ARID5B: variants seen among roughly 807,000 people sequenced by gnomAD.
ARID5B encodes AT-rich interactive domain-containing protein 5B.
A neutral mutation model predicts 97.2 loss-of-function variants in ARID5B; 13 were observed. The ratio of observed to expected loss-of-function variants is 0.13; its 90% CI spans 0.09 to 0.21. The LOEUF is 0.21. Among genes scored for constraint, ARID5B ranks in the 10% least tolerant of loss-of-function variants. The pLI, the probability that ARID5B is intolerant of heterozygous loss-of-function variation, is 1.00. For missense variants in ARID5B, 1,210 were observed against 1,465.3 expected (o/e 0.83, Z 2.84); for synonymous variants, 556 against 570.3 (o/e 0.97, Z 0.36).
chr10:62,086,169 T>A (rs772966880), intron 9 of ARID5B, among the ~76,000 whole-genome samples: 2 of 152,164 alleles, frequency 1.3e-5, no homozygotes, highest in Non-Finnish European at 2.9e-5. Flanking sequence ...AGAAAACTGA[T>A]AGCAAATGCT....
intron 8 of ARID5B, among the ~76,000 whole-genome samples, chr10:62,082,524 T>C (rs1840226622): frequency 6.6e-6 from 1 of 152,234 alleles, no homozygotes; most frequent in Non-Finnish European, 1.5e-5. Context: ...GTTTAGAAAC[T>C]GATAAAATCT....
At chr10:61,908,820 A>AAAAAAAAAAAG (rs1251041161) in intron 2 of ARID5B, among the ~76,000 whole-genome samples, 1 of 146,168 alleles carries the variant, frequency 6.8e-6, no homozygotes, top group African/African-American at 2.7e-5. Context: ...AAAAAAAAAA[A>AAAAAAAAAAAG]AAGAAGAAGA....
intron 2 of ARID5B, among the ~76,000 whole-genome samples, chr10:61,910,693 A>G (rs1843787258): frequency 1.3e-5 from 2 of 152,244 alleles, no homozygotes; most frequent in African/African-American, 4.8e-5. Context: ...ATGATTATTG[A>G]AAGGGTGCTT....
chr10:62,051,037 A>G (rs761044789), intron 5 of ARID5B, 37 bp downstream of exon 5: 3 of 1,556,338 alleles, frequency 1.9e-6, no homozygotes, highest in African/African-American at 1.4e-5. Flanking sequence ...ATTTCGTTGC[A>G]TCTTTTTATT....
chr10:62,050,627 G>A (rs78617258), intron 4 of ARID5B, among the ~76,000 whole-genome samples: 5,405 of 152,250 alleles, frequency 0.036, 282 homozygotes, highest in African/African-American at 0.12. Context: ...ATCCTTTAGA[G>A]CTAAGAGCTT....
At chr10:61,944,997 A>C (rs926262187) in intron 3 of ARID5B, among the ~76,000 whole-genome samples, 2 of 152,222 alleles carry the variant, frequency 1.3e-5, no homozygotes, top group African/African-American at 2.4e-5. Flanking sequence ...AAATTGAGAA[A>C]GAGTAGCTTC....
intron 2 of ARID5B, among the ~76,000 whole-genome samples, chr10:61,933,913 A>C (rs1288003251): frequency 1.3e-5 from 2 of 152,340 alleles, no homozygotes; most frequent in East Asian, 3.9e-4. Flanking sequence ...TGAAGCTGGC[A>C]TTGACATCTC....
chr10:62,045,776 A>C (rs2132924242), intron 4 of ARID5B, among the ~76,000 whole-genome samples: 1 of 152,340 alleles, frequency 6.6e-6, no homozygotes, highest in Admixed American at 6.5e-5. Context: ...TGATATCCTC[A>C]GAGGAAAAGC....
At chr10:61,949,283 G>A (rs1430283346) in intron 3 of ARID5B, among the ~76,000 whole-genome samples, 1 of 152,090 alleles carries the variant, frequency 6.6e-6, no homozygotes, top group Admixed American at 6.5e-5. Context: ...TCTTGTTTTT[G>A]TTTTGTTTTG....
chr10:62,057,163 A>G lies in ARID5B; in HGVS notation c.893A>G (p.His298Arg), dbSNP rs1207007361. Residue 298 changes from histidine (H) to arginine (R), a missense_variant, in exon 6 of 10, where the codon CAT (histidine) becomes CGT (arginine). His to Arg is a conservative substitution (Grantham distance 29, BLOSUM62 0). This residue lies in a region of ARID5B where 132 missense variants were observed against 156.7 expected (regional missense o/e 0.84). Transcript: ENST00000279873. ...RSALTKPKNNHNCKKVSNEEK... is the reference protein window; with the variant it reads ...RSALTKPKNNRNCKKVSNEEK... ...GCCTTGACCAAGCCGAAGAATAACC[A>G]TAACTGTAAAAAAGTCTCAAATGAA... The G allele has an allele frequency of 8.7e-6, 14 of 1,613,704 alleles. No individual in the cohort carries two copies. Among genetic ancestry groups the G allele is most frequent in the Non-Finnish European group, 1.2e-5 (14 of 1,179,802 alleles).
In ARID5B at chr10:62,095,386, G is replaced by C. The variant is rs766187181; in HGVS notation, c.*2356G>C. The C allele has an allele frequency of 3.0e-5, 7 of 233,086 alleles. No individual in the cohort carries two copies. Among genetic ancestry groups the C allele is most frequent in the South Asian group, 1.8e-4 (1 of 5,516 alleles). 14.4% of individuals were successfully genotyped at this position (233,086 alleles called of 1,614,324 possible). ...GTTCGTGTCTCAAAAAAAAAAGGAG[G>C]GGGGGCATCTGTCCCCGGTGGAGCT... On this transcript the variant is annotated 3_prime_UTR_variant, in exon 10 of 10. Coordinates refer to ENST00000279873, the MANE Select transcript of ARID5B (RefSeq NM_032199.3).
At chr10:61,960,984 T>C (rs1158635623) in intron 3 of ARID5B, among the ~76,000 whole-genome samples, 1 of 152,242 alleles carries the variant, frequency 6.6e-6, no homozygotes, top group Non-Finnish European at 1.5e-5. Context: ...AGGGATACTG[T>C]AGGATTTAAT....
intron 4 of ARID5B, among the ~76,000 whole-genome samples, chr10:62,023,111 C>G (rs548367017): frequency 7.2e-5 from 11 of 152,354 alleles, no homozygotes; most frequent in African/African-American, 2.6e-4. Context: ...GATGATCAGT[C>G]ATTCAGAGAA....
intron 2 of ARID5B, among the ~76,000 whole-genome samples, chr10:61,938,625 G>GT (rs1564607396): frequency 6.6e-6 from 1 of 152,086 alleles, no homozygotes; most frequent in Non-Finnish European, 1.5e-5. Flanking sequence ...ATGGTACTTT[G>GT]TAATGGGCCC....
intron 3 of ARID5B, among the ~76,000 whole-genome samples, chr10:61,945,225 C>T (rs1844480923): frequency 6.6e-6 from 1 of 152,082 alleles, no homozygotes; most frequent in African/African-American, 2.4e-5. Flanking sequence ...TGGAACAATC[C>T]TTCCTTCCTT....
At chr10:61,966,851 C>A (rs1463511448) in intron 3 of ARID5B, among the ~76,000 whole-genome samples, 1 of 152,120 alleles carries the variant, frequency 6.6e-6, no homozygotes, top group Admixed American at 6.6e-5. Context: ...TTTAAAAATA[C>A]TGCCTGCAGA....
chr10:61,934,865 T>C (rs948568974), intron 2 of ARID5B, among the ~76,000 whole-genome samples: 2 of 151,766 alleles, frequency 1.3e-5, no homozygotes, highest in African/African-American at 4.8e-5. Context: ...ATACAAAAAT[T>C]AGCTGGGCAT....
intron 2 of ARID5B, among the ~76,000 whole-genome samples, chr10:61,928,245 A>G (rs977091687): frequency 6.6e-6 from 1 of 152,008 alleles, no homozygotes; most frequent in African/African-American, 2.4e-5. Context: ...ATTCCTTTAC[A>G]TCCCAACACC....
chr10:62,010,353 T>C (rs533110674), intron 4 of ARID5B, among the ~76,000 whole-genome samples: 1 of 152,340 alleles, frequency 6.6e-6, no homozygotes, highest in Admixed American at 6.5e-5. Context: ...AAGATGTTTT[T>C]CCCCCTCTGC....
Sources: gnomAD v4.1 joint callset for allele counts (sites outside exome capture counted in the v4.1 genomes callset) on GRCh38, gnomAD v4.1.1 for gene constraint, gnomAD v4.1.1 regional missense constraint, MANE v1.5 for transcripts, NCBI Gene and HGNC (gene_info 2026-07-23, HGNC 2026-07-21) for gene names.